Variants in CSMD1 observed in about 807,000 individuals in gnomAD.
The protein encoded by CSMD1 is CUB and sushi domain-containing protein 1.
CSMD1 carries 213 observed loss-of-function variants against 417.5 expected under a neutral mutation model. The ratio of observed to expected loss-of-function variants is 0.51; its 90% confidence interval spans 0.46 to 0.57. The LOEUF (loss-of-function observed/expected upper bound fraction) is 0.57. Ranked by LOEUF, CSMD1 falls within the 20% of genes least tolerant of loss-of-function variation. CSMD1 has a pLI of 0.00. For missense variants in CSMD1, 6,923 were observed against 4,529.7 expected (o/e 1.53, Z -15.17); for synonymous variants, 2,862 against 1,736.8 (o/e 1.65, Z -16.11).
At chr8:3,693,568 C>A (rs1234452781) in intron 7 of CSMD1, among the ~76,000 whole-genome samples, 2 of 151,934 alleles carry the variant, frequency 1.3e-5, no homozygotes, top group South Asian at 4.2e-4. Flanking sequence ...CAGCACAGTT[C>A]TACAGTGAAT....
chr8:3,335,009 T>C (rs1807159695), intron 23 of CSMD1, among the ~76,000 whole-genome samples: 1 of 152,206 alleles, frequency 6.6e-6, no homozygotes, highest in African/African-American at 2.4e-5. Flanking sequence ...GAGTTAATTC[T>C]AGGAGATGAT....
At position 3,420,292 on chromosome 8, in the gene CSMD1, C is replaced by T. The variant is rs187134860; in HGVS notation, c.1562-10687G>A. ...TGAGGAATAGTCTACACAATACCAA[C>T]CAGGACTCCTCAAAATACCCAAGAT... On this transcript the variant is annotated intron_variant, in intron 12 of 69. Transcript: ENST00000635120. Among the ~76,000 whole-genome samples the T allele has an allele frequency of 9.1e-4, 139 of 152,042 alleles. 1 individual carries two copies. The highest frequency in any genetic ancestry group is 1.6e-3 in the Non-Finnish European group (106 of 67,984).
At chr8:4,881,541 T>TTG (rs1563664438) in intron 1 of CSMD1, among the ~76,000 whole-genome samples, 1 of 151,668 alleles carries the variant, frequency 6.6e-6, no homozygotes, top group Non-Finnish European at 1.5e-5. Context: ...TAGTTTTTTT[T>TTG]TTTTTTTTTT....
At chr8:3,551,268 C>T (rs1798898534) in intron 10 of CSMD1, among the ~76,000 whole-genome samples, 1 of 152,116 alleles carries the variant, frequency 6.6e-6, no homozygotes, top group Admixed American at 6.5e-5. Context: ...TATCTTGTGG[C>T]ATATTTTCTG....
intron 5 of CSMD1, among the ~76,000 whole-genome samples, chr8:3,987,498 T>C (rs1814422726): frequency 6.6e-6 from 1 of 152,202 alleles, no homozygotes; most frequent in African/African-American, 2.4e-5. Context: ...TAATCTCCTT[T>C]TTAAAGTCAG....
At chr8:4,758,247 C>T (rs946339822) in intron 1 of CSMD1, among the ~76,000 whole-genome samples, 2 of 152,076 alleles carry the variant, frequency 1.3e-5, no homozygotes, top group Non-Finnish European at 2.9e-5. Context: ...GGAAGCCCAC[C>T]GACTATAATG....
At chr8:3,791,993 T>C (rs532414767) in intron 5 of CSMD1, among the ~76,000 whole-genome samples, 33 of 147,082 alleles carry the variant, frequency 2.2e-4, no homozygotes, top group African/African-American at 7.8e-4. Context: ...TTTTCTGATT[T>C]CTAATTCTTT....
intron 1 of CSMD1, among the ~76,000 whole-genome samples, chr8:4,871,033 G>A (rs953689956): frequency 2.0e-5 from 3 of 152,142 alleles, no homozygotes; most frequent in African/African-American, 7.2e-5. Context: ...ACCCTGGGGA[G>A]CTGGGAGAGT....
intron 5 of CSMD1, among the ~76,000 whole-genome samples, chr8:3,926,011 CT>C (rs1809634557): frequency 3.3e-5 from 4 of 120,082 alleles, no homozygotes; most frequent in Admixed American, 2.8e-4. Flanking sequence ...GTCTATTTGT[CT>C]ATACACACAC....
rs573622089 is a variant in CSMD1 at position 3,063,803 on chromosome 8, T to C, written c.7475-11156A>G. Among the ~76,000 whole-genome samples, 11 of 152,308 alleles carry C rather than the reference T, an allele frequency of 7.2e-5. 1 individual carries two copies. Among genetic ancestry groups the C allele is most frequent in the African/African-American group, 1.7e-4 (7 of 41,566 alleles). ...AATTCAGAGAGACAAAGTAAAATGATGGCTTGTAGGGGCTGGAGGAGGAGG... is the reference window on the plus strand; with the variant it reads ...AATTCAGAGAGACAAAGTAAAATGACGGCTTGTAGGGGCTGGAGGAGGAGG... On this transcript the variant is annotated intron_variant, in intron 49 of 69. Coordinates refer to ENST00000635120, the MANE Select transcript of CSMD1 (RefSeq NM_033225.6).
intron 5 of CSMD1, among the ~76,000 whole-genome samples, chr8:3,913,580 T>A (rs1177695976): frequency 1.3e-5 from 2 of 152,144 alleles, no homozygotes; most frequent in African/African-American, 4.8e-5. Context: ...GTCAGTGAGT[T>A]CCAGTGCATT....
chr8:3,747,715 C>A (rs1842651), intron 6 of CSMD1, among the ~76,000 whole-genome samples: 1 of 152,040 alleles, frequency 6.6e-6, no homozygotes, highest in African/African-American at 2.4e-5. Flanking sequence ...CTGAAATGTT[C>A]CTTATGTTCA....
intron 3 of CSMD1, among the ~76,000 whole-genome samples, chr8:4,387,305 A>C (rs1803517097): frequency 6.6e-6 from 1 of 152,280 alleles, no homozygotes; most frequent in Middle Eastern, 3.4e-3. Flanking sequence ...ACTTTTAGAT[A>C]GTAATTCCTG....
intron 3 of CSMD1, among the ~76,000 whole-genome samples, chr8:4,304,197 T>A (rs550886798): frequency 2.6e-5 from 4 of 152,186 alleles, no homozygotes; most frequent in African/African-American, 9.6e-5. Flanking sequence ...ATAAGCCAGT[T>A]TTGATGAAAA....
At chr8:3,125,458 G>C (rs532993122) in intron 41 of CSMD1, among the ~76,000 whole-genome samples, 1 of 152,260 alleles carries the variant, frequency 6.6e-6, no homozygotes, top group East Asian at 1.9e-4. Context: ...ATTTAAGAAA[G>C]AAAGTCATCA....
intron 3 of CSMD1, among the ~76,000 whole-genome samples, chr8:4,320,222 A>G (rs1313301517): frequency 6.6e-6 from 1 of 152,210 alleles, no homozygotes; most frequent in Non-Finnish European, 1.5e-5. Context: ...CATCTAAGCA[A>G]AAATTACCAG....
chr8:4,234,416 C>A (rs931838490), intron 3 of CSMD1, among the ~76,000 whole-genome samples: 1 of 152,122 alleles, frequency 6.6e-6, no homozygotes, highest in Non-Finnish European at 1.5e-5. Flanking sequence ...TCAGTCTGCT[C>A]TTCCATGGAA....
At chr8:3,105,071 G>C (rs745405646) in intron 46 of CSMD1, among the ~76,000 whole-genome samples, 2 of 152,214 alleles carry the variant, frequency 1.3e-5, no homozygotes, top group Non-Finnish European at 2.9e-5. Context: ...CTGCGAAGTC[G>C]ATACTTTTGC....
At chr8:3,497,954 C>T (rs889340093) in intron 10 of CSMD1, among the ~76,000 whole-genome samples, 4 of 152,194 alleles carry the variant, frequency 2.6e-5, no homozygotes, top group East Asian at 3.9e-4. Context: ...AGATGAAGGG[C>T]TCCCATAAGC....
Sources: allele counts gnomAD v4.1 joint callset (sites outside exome capture counted in the v4.1 genomes callset), GRCh38; gene constraint gnomAD v4.1.1; transcripts MANE v1.5; gene names NCBI Gene and HGNC (gene_info 2026-07-23, HGNC 2026-07-21).